Variants in C1QBP observed in about 807,000 individuals in gnomAD.
C1QBP encodes the protein complement C1q binding protein, also known as complement component 1 Q subcomponent-binding protein, mitochondrial.
Under a neutral mutation model 29.4 loss-of-function variants are expected in C1QBP, and 24 were observed. The ratio of observed to expected loss-of-function variants is 0.82; its 90% CI spans 0.59 to 1.15. The LOEUF (loss-of-function observed/expected upper bound fraction) is 1.15, where lower values mean the gene tolerates loss of function less well. C1QBP is among the 50% of genes most tolerant of loss of function. The probability of loss-of-function intolerance (pLI) is 0.00; values close to 1 mark genes in which losing one functional copy is unlikely to be tolerated. For synonymous variants in C1QBP, 182 were observed against 149.2 expected, an observed-to-expected ratio of 1.22 and a Z score of -1.60; for missense variants, 337 against 355.8, an observed-to-expected ratio of 0.95 and a Z score of 0.43.
chr17:5,433,029 C>T lies in C1QBP; in HGVS notation c.835G>A (p.Val279Ile), dbSNP rs776411860. The T allele has an allele frequency of 2.5e-6, 4 of 1,612,714 alleles. No individual in the cohort carries two copies. Among genetic ancestry groups the T allele is most frequent in the Non-Finnish European group, 3.4e-6 (4 of 1,179,704 alleles). The change falls in exon 6 of 6, where the codon GTC becomes ATC. Residue 279 changes from valine to isoleucine, a missense_variant. By Grantham distance (29) the Val-to-Ile change is conservative. Coordinates refer to ENST00000225698, the MANE Select transcript of C1QBP (RefSeq NM_001212.4). ...ITFLEDLKSF[V>I]KSQ ...ATCTGTCTGCTCTACTGGCTCTTGA[C>T]AAAACTCTTGAGGTCTTCAAGAAAA...
chr17:5,438,525 C>T, intron 1 of C1QBP: 2 of 693,058 alleles, frequency 2.9e-6, no homozygotes, highest in Non-Finnish European at 2.3e-6. Context: ...AATTTCCAAT[C>T]CTCTTCCACT....
intron 1 of C1QBP, 188 bp downstream of exon 1, chr17:5,438,654 T>C: frequency 2.4e-6 from 3 of 1,258,118 alleles, no homozygotes; most frequent in Non-Finnish European, 3.3e-6. Context: ...ATTCACCCCC[T>C]ACCAAAAGAA....
intron 2 of C1QBP, among the ~76,000 whole-genome samples, 166 bp from the exon 3 acceptor site, chr17:5,435,132 GTGCCTACATCCAA>G (rs1462423157): frequency 6.6e-5 from 10 of 152,254 alleles, no homozygotes; most frequent in Non-Finnish European, 1.2e-4. Context: ...ACTAGGCTGG[GTGCCTACATCCAA>G]TCCTGAGTGA....
chr17:5,439,135 A>G lies in C1QBP; in HGVS notation c.-62T>C. The G allele has an allele frequency of 6.5e-7, 1 of 1,528,338 alleles. No homozygotes were observed. Among genetic ancestry groups the G allele is most frequent in the Non-Finnish European group, 8.8e-7 (1 of 1,137,652 alleles). The allele number at this position is 1,528,338 out of a possible 1,614,324, so 94.7% of individuals were successfully genotyped here. A position where few individuals can be genotyped will look rare whatever the true frequency, so the allele number is the denominator to read the frequency against. ...ACAACCCAGGCCTAGGCGCCCCGCG[A>G]CCTGAGGCGCCGCCGGAAGCCCCGC... is the stretch of plus-strand genomic sequence containing the variant. On this transcript the variant is annotated 5_prime_UTR_variant, in exon 1 of 6. Coordinates refer to ENST00000225698, the MANE Select transcript of C1QBP (RefSeq NM_001212.4).
Position 5,433,707 on chromosome 17 carries a change from T to G in C1QBP, c.538A>C (p.Lys180Gln). 1 of 1,614,228 alleles carries G rather than the reference T, an allele frequency of 6.2e-7. No individual in the cohort carries two copies. The highest frequency in any genetic ancestry group is 8.5e-7 in the Non-Finnish European group (1 of 1,180,046). The change falls in exon 4 of 6, where the codon AAG becomes CAG. Residue 180 changes from lysine (K) to glutamine (Q), a missense_variant. Physicochemically the swap from Lys to Gln is moderately conservative, Grantham distance 53 (BLOSUM62 1). Transcript: ENST00000225698. ...TAATGACAGTCCAACACAAGGGCCT[T>G]CTTGCCATCATCATTCTTTATAACT... ...VEVIKNDDGK[K>Q]ALVLDCHYPE...
intron 2 of C1QBP, among the ~76,000 whole-genome samples, chr17:5,437,281 G>C (rs1055500236): frequency 6.6e-6 from 1 of 152,186 alleles, no homozygotes; most frequent in Non-Finnish European, 1.5e-5. Flanking sequence ...TCTCATAAAA[G>C]CTGTGATTTA....
In C1QBP at chr17:5,438,222, T is replaced by C. The variant is rs780417998; in HGVS notation, c.284A>G (p.Lys95Arg). 2.5e-6 allele frequency: 4 copies of C among 1,614,096 alleles called. No homozygotes were observed. In the South Asian group the frequency reaches 3.3e-5, roughly 13 times the overall value. The change falls in exon 2 of 6, where the codon AAA becomes AGA. Residue 95 changes from lysine (K) to arginine (R), a missense_variant. Transcript: ENST00000225698. ...FLSDEIKEER[K>R]IQKHKTLPKM... ...AGGGAGGGTTTTATGCTTCTGAATTTTTCTTTCCTCCTTAATTTCATCACT... is the reference window on the plus strand; with the variant it reads ...AGGGAGGGTTTTATGCTTCTGAATTCTTCTTTCCTCCTTAATTTCATCACT...
chr17:5,434,051 T>C, intron 3 of C1QBP: 2 of 439,826 alleles, frequency 4.5e-6, no homozygotes, highest in East Asian at 4.7e-5. Context: ...ATTCCAAGCC[T>C]TTTCCTCCAC....
At chr17:5,433,924 A>C in intron 3 of C1QBP, 157 bp from the exon 4 acceptor site, 2 of 679,682 alleles carry the variant, frequency 2.9e-6, no homozygotes, top group Non-Finnish European at 5.1e-6. Context: ...GAAGAGCTTG[A>C]TCTCACTTCT....
chr17:5,438,010 C>A, intron 2 of C1QBP, 113 bp downstream of exon 2: 2 of 1,366,450 alleles, frequency 1.5e-6, no homozygotes, highest in Non-Finnish European at 2.0e-6. Flanking sequence ...TCTCTTGAAA[C>A]CCATTTATCA....
At position 5,438,241 on chromosome 17, in the gene C1QBP, C is replaced by T. The variant is rs1216225857; in HGVS notation, c.265G>A (p.Glu89Lys). 6.2e-7 allele frequency: 1 copy of T among 1,614,138 alleles called. No homozygotes were observed. Among genetic ancestry groups the T allele is most frequent in the Non-Finnish European group, 8.5e-7 (1 of 1,180,022 alleles). The change falls in exon 2 of 6, where the codon GAA becomes AAA. Residue 89 changes from glutamate (E) to lysine (K), a missense_variant. By Grantham distance (56) the Glu-to-Lys change is moderately conservative. Coordinates refer to ENST00000225698, the MANE Select transcript of C1QBP (RefSeq NM_001212.4). ...TGAATTTTTCTTTCCTCCTTAATTT[C>T]ATCACTCAGGAAATCAACAAAAGCT... is the stretch of plus-strand genomic sequence containing the variant. The part of the protein sequence containing the change: ...DKAFVDFLSD[E>K]IKEERKIQKH...
Position 5,433,181 on chromosome 17 carries a change from T to C in C1QBP, c.700-17A>G. ...ATATAAGGCCTGCAAAGAACAATAT[T>C]TACTAGTTAAAAAAAAATCTGTAAT... On this transcript the variant is annotated splice_polypyrimidine_tract_variant and intron_variant, in intron 5 of 5. Coordinates refer to ENST00000225698, the MANE Select transcript of C1QBP (RefSeq NM_001212.4). The C allele has an allele frequency of 6.2e-7, 1 of 1,608,524 alleles. No homozygotes were observed. The highest frequency in any genetic ancestry group is 1.7e-4 in the Middle Eastern group (1 of 6,032).
chr17:5,437,153 T>C (rs79165523), intron 2 of C1QBP, among the ~76,000 whole-genome samples: 2,350 of 152,338 alleles, frequency 0.015, 65 homozygotes, highest in African/African-American at 0.052. Context: ...TGTTTGGGGA[T>C]GACAACAGTG....
intron 2 of C1QBP, among the ~76,000 whole-genome samples, chr17:5,435,866 A>G (rs906410181): frequency 5.2e-5 from 4 of 77,300 alleles, no homozygotes; most frequent in Non-Finnish European, 9.0e-5. Flanking sequence ...CATCTCTACT[A>G]AAAAATACAA....
Position 5,438,934 on chromosome 17 carries a change from C to G in C1QBP, c.140G>C (p.Ser47Thr), listed in dbSNP as rs1388526352. 2.0e-6 allele frequency: 3 copies of G among 1,529,574 alleles called. No individual in the cohort carries two copies. The East Asian group carries it at 7.8e-5, about 40-fold the overall frequency. 94.8% of individuals were successfully genotyped at this position (1,529,574 alleles called of 1,614,324 possible). A position where few individuals can be genotyped will look rare whatever the true frequency, so the allele number is the denominator to read the frequency against. ...RLCTRPFGLL[S>T]VRAGSERRPG... ...CCGCCGCTCGGAACCTGCGCGCACG[C>G]TGAGCAGCCCGAAGGGCCGGGTGCA... Residue 47 changes from serine (S) to threonine (T), a missense_variant, in exon 1 of 6, where the codon AGC becomes ACC. Physicochemically the swap from Ser to Thr is moderately conservative, Grantham distance 58. Coordinates refer to ENST00000225698, the MANE Select transcript of C1QBP (RefSeq NM_001212.4).
In C1QBP at chr17:5,438,947, A is replaced by C; in HGVS notation, c.127T>G (p.Phe43Val). The change falls in exon 1 of 6, where the codon TTC becomes GTC. Residue 43 changes from phenylalanine (F) to valine (V), a missense_variant. Coordinates refer to ENST00000225698, the MANE Select transcript of C1QBP (RefSeq NM_001212.4). ...CCTGCGCGCACGCTGAGCAGCCCGA[A>C]GGGCCGGGTGCACAGCCGGGGTGCC... Reference protein sequence around the residue: ...QPAPRLCTRPFGLLSVRAGSE... With the variant: ...QPAPRLCTRPVGLLSVRAGSE... 3.9e-6 allele frequency: 6 copies of C among 1,522,436 alleles called. No homozygotes were observed. The highest frequency in any genetic ancestry group is 5.3e-6 in the Non-Finnish European group (6 of 1,135,974). 94.3% of individuals were successfully genotyped at this position (1,522,436 alleles called of 1,614,324 possible).
rs765063420 is a variant in C1QBP, at chr17:5,433,781, A to T, written c.478-14T>A. 2 of 1,605,438 alleles carry T rather than the reference A, an allele frequency of 1.2e-6. No homozygotes were observed. Among genetic ancestry groups the T allele is most frequent in the Non-Finnish European group, 1.7e-6 (2 of 1,172,074 alleles). ...TGTCAGTTCAGGCTGGGGAAACAAGAAGTCAATACATGCTGCTGCTGGAAG... is the reference window on the plus strand; with the variant it reads ...TGTCAGTTCAGGCTGGGGAAACAAGTAGTCAATACATGCTGCTGCTGGAAG... On this transcript the variant is annotated splice_polypyrimidine_tract_variant and intron_variant, in intron 3 of 5. Transcript: ENST00000225698.
rs1805437 is a variant in C1QBP, at chr17:5,439,109, G to A, written c.-36C>T. The A allele has an allele frequency of 9.1e-6, 14 of 1,539,086 alleles. No homozygotes were observed. The highest frequency in any genetic ancestry group is 2.3e-4 in the Middle Eastern group (1 of 4,324). On this transcript the variant is annotated 5_prime_UTR_variant, in exon 1 of 6. Transcript: ENST00000225698. ...ACTGCGAACACGTGCAGATGCAAAG[G>A]ACAACCCAGGCCTAGGCGCCCCGCG... is the stretch of plus-strand genomic sequence containing the variant.
Position 5,439,139 on chromosome 17 carries a change from G to C in C1QBP, c.-66C>G. On this transcript the variant is annotated 5_prime_UTR_variant, in exon 1 of 6. Coordinates refer to ENST00000225698, the MANE Select transcript of C1QBP (RefSeq NM_001212.4). ...CCCAGGCCTAGGCGCCCCGCGACCT[G>C]AGGCGCCGCCGGAAGCCCCGCCCCT... 2 of 1,527,004 alleles carry C rather than the reference G, an allele frequency of 1.3e-6. No homozygotes were observed. The highest frequency in any genetic ancestry group is 1.8e-6 in the Non-Finnish European group (2 of 1,136,898). The allele number at this position is 1,527,004 out of a possible 1,614,324, so 94.6% of individuals were successfully genotyped here. A position where few individuals can be genotyped will look rare whatever the true frequency, so the allele number is the denominator to read the frequency against.
Sources: allele counts gnomAD v4.1 joint callset (sites outside exome capture counted in the v4.1 genomes callset), GRCh38; gene constraint gnomAD v4.1.1; transcripts MANE v1.5; gene names NCBI Gene and HGNC (gene_info 2026-07-23, HGNC 2026-07-21).